CNTN6: variants seen among roughly 807,000 people sequenced by gnomAD.
The protein encoded by CNTN6 is contactin 6.
Under a neutral mutation model 122.8 loss-of-function variants are expected in CNTN6, and 137 were observed. The ratio of observed to expected loss-of-function variants is 1.12; its 90% CI spans 0.97 to 1.29. The LOEUF (loss-of-function observed/expected upper bound fraction) is 1.29, where lower values mean the gene tolerates loss of function less well. Among genes scored for constraint, CNTN6 ranks in the 50% most tolerant of loss-of-function variants. CNTN6 has a pLI of 0.00. For synonymous variants in CNTN6, 570 were observed against 426.0 expected (o/e 1.34, Z -4.16); for missense variants, 1,634 against 1,223.4 (o/e 1.34, Z -5.01).
At chr3:1,353,363 T>C (rs1159612212) in intron 12 of CNTN6, among the ~76,000 whole-genome samples, 2 of 151,702 alleles carry the variant, frequency 1.3e-5, no homozygotes, top group Non-Finnish European at 1.5e-5. Flanking sequence ...CTTTAAAATA[T>C]CTCAAGGAAA....
chr3:1,247,521 G>A (rs115901088), intron 4 of CNTN6, among the ~76,000 whole-genome samples: 7,284 of 152,022 alleles, frequency 0.048, 205 homozygotes, highest in Middle Eastern at 0.088. Context: ...AACCAGAGGA[G>A]AATAAAAATT....
intron 16 of CNTN6, among the ~76,000 whole-genome samples, chr3:1,376,240 A>G (rs1280087921): frequency 6.6e-6 from 1 of 152,040 alleles, no homozygotes; most frequent in Non-Finnish European, 1.5e-5. Flanking sequence ...CCATATACAC[A>G]CTCAGCATTT....
chr3:1,337,916 C>T (rs1452744599), intron 11 of CNTN6, among the ~76,000 whole-genome samples: 2 of 152,054 alleles, frequency 1.3e-5, no homozygotes, highest in Admixed American at 6.6e-5. Context: ...TTCTTTATCC[C>T]CACTGACCTC....
intron 11 of CNTN6, among the ~76,000 whole-genome samples, chr3:1,342,494 G>A (rs1488868339): frequency 6.6e-6 from 1 of 152,090 alleles, no homozygotes; most frequent in Non-Finnish European, 1.5e-5. Flanking sequence ...TTTGTTACCT[G>A]TTTATGATGT....
rs1211874211 is a variant in CNTN6, at chr3:1,301,331, G to A, written c.761+3340G>A. On this transcript the variant is annotated intron_variant, in intron 7 of 22. Transcript: ENST00000446702. ...ATTACAAGCGTGAGCCACTGTGCCC[G>A]GCTCCTAAACTTTTGACAAAAATTA... is the stretch of plus-strand genomic sequence containing the variant. Among the ~76,000 whole-genome samples, 7 of 151,978 alleles carry A rather than the reference G, an allele frequency of 4.6e-5. No individual in the cohort carries two copies. The South Asian group carries it at 8.3e-4, about 18-fold the overall frequency.
At chr3:1,386,619 G>A (rs1479829593) in intron 20 of CNTN6, among the ~76,000 whole-genome samples, 4 of 151,848 alleles carry the variant, frequency 2.6e-5, no homozygotes, top group African/African-American at 9.7e-5. Flanking sequence ...ATTTTTTTGT[G>A]GTTGAATAAT....
intron 7 of CNTN6, among the ~76,000 whole-genome samples, chr3:1,310,263 AG>A (rs1312788992): frequency 5.3e-5 from 8 of 152,166 alleles, no homozygotes; most frequent in Admixed American, 5.2e-4. Context: ...ATTTTTTGGC[AG>A]ACATTTTTAT....
intron 1 of CNTN6, among the ~76,000 whole-genome samples, chr3:1,119,635 T>C (rs750490982): frequency 6.6e-6 from 1 of 151,128 alleles, no homozygotes; most frequent in Non-Finnish European, 1.5e-5. Context: ...TAGATAAGCA[T>C]GGCTTTTTCC....
chr3:1,234,503 T>A (rs2094397030), intron 4 of CNTN6, among the ~76,000 whole-genome samples: 1 of 152,116 alleles, frequency 6.6e-6, no homozygotes, highest in Non-Finnish European at 1.5e-5. Context: ...GTGCTCCCGA[T>A]GATATGGTGA....
intron 11 of CNTN6, among the ~76,000 whole-genome samples, chr3:1,340,780 G>A (rs961708067): frequency 6.6e-6 from 1 of 152,046 alleles, no homozygotes; most frequent in African/African-American, 2.4e-5. Flanking sequence ...TCAAAACCAT[G>A]TTCTATCTTG....
intron 12 of CNTN6, among the ~76,000 whole-genome samples, chr3:1,353,938 C>T (rs1706101934): frequency 1.3e-5 from 2 of 151,452 alleles, no homozygotes; most frequent in Admixed American, 1.3e-4. Context: ...TACTGGTGAT[C>T]TGGGAGGAGG....
chr3:1,241,763 A>AGT (rs1443052949), intron 4 of CNTN6, among the ~76,000 whole-genome samples: 1 of 152,224 alleles, frequency 6.6e-6, no homozygotes, highest in Non-Finnish European at 1.5e-5. Context: ...CTTTTTCAGC[A>AGT]GTAAGTCAGT....
intron 4 of CNTN6, among the ~76,000 whole-genome samples, chr3:1,228,914 C>T (rs1359969247): frequency 6.6e-6 from 1 of 152,088 alleles, no homozygotes; most frequent in African/African-American, 2.4e-5. Flanking sequence ...CATTGCAAGT[C>T]TTGTGTTCCA....
chr3:1,198,008 G>A (rs1244616888), intron 2 of CNTN6, among the ~76,000 whole-genome samples: 1 of 152,112 alleles, frequency 6.6e-6, no homozygotes, highest in Non-Finnish European at 1.5e-5. Context: ...AGACAGACAA[G>A]CTTAGCTCTT....
intron 2 of CNTN6, among the ~76,000 whole-genome samples, chr3:1,163,192 T>G (rs1005505643): frequency 6.6e-6 from 1 of 152,224 alleles, no homozygotes; most frequent in Non-Finnish European, 1.5e-5. Context: ...TTGGGACTCT[T>G]CTGTGAATTT....
At chr3:1,130,267 T>C (rs907614987) in intron 1 of CNTN6, among the ~76,000 whole-genome samples, 3 of 152,016 alleles carry the variant, frequency 2.0e-5, no homozygotes, top group Non-Finnish European at 2.9e-5. Flanking sequence ...TCTATGCCCT[T>C]AGTGAATCTC....
intron 17 of CNTN6, among the ~76,000 whole-genome samples, chr3:1,378,614 C>T (rs1027432844): frequency 3.9e-5 from 6 of 152,020 alleles, no homozygotes; most frequent in African/African-American, 9.7e-5. Flanking sequence ...GAGGGGGAAA[C>T]CCTATTTTTT....
At chr3:1,298,095 G>C in intron 7 of CNTN6, 104 bp downstream of exon 7, 1 of 740,834 alleles carries the variant, frequency 1.3e-6, no homozygotes. Flanking sequence ...TTACCAAGTA[G>C]ATTTCAAATG....
At chr3:1,267,461 G>A (rs2094944123) in intron 4 of CNTN6, among the ~76,000 whole-genome samples, 1 of 152,106 alleles carries the variant, frequency 6.6e-6, no homozygotes, top group South Asian at 2.1e-4. Flanking sequence ...ATAAAGTTCA[G>A]GAATTGGGAA....
Sources: allele counts gnomAD v4.1 joint callset (sites outside exome capture counted in the v4.1 genomes callset), GRCh38; gene constraint gnomAD v4.1.1; transcripts MANE v1.5; gene names NCBI Gene and HGNC (gene_info 2026-07-23, HGNC 2026-07-21).